The following DYRK4 variants were observed in gnomAD, a reference collection of about 807,000 sequenced individuals.
DYRK4 encodes dual specificity tyrosine-phosphorylation-regulated kinase 4.
In DYRK4, 64 loss-of-function variants were observed where a neutral mutation model predicts 68.3. The ratio of observed to expected loss-of-function variants is 0.94; its 90% CI spans 0.77 to 1.15. The LOEUF (loss-of-function observed/expected upper bound fraction) is 1.15. DYRK4 is among the 50% of genes most tolerant of loss of function. The probability of loss-of-function intolerance (pLI) is 0.00; values close to 1 mark genes in which losing one functional copy is unlikely to be tolerated. For missense variants in DYRK4, 740 were observed against 764.7 expected (o/e 0.97, Z 0.38); for synonymous variants, 274 against 289.9 (o/e 0.95, Z 0.56).
chr12:4,576,590 C>G (rs1219978474), intron 2 of DYRK4, among the ~76,000 whole-genome samples: 1 of 152,186 alleles, frequency 6.6e-6, no homozygotes, highest in African/African-American at 2.4e-5. Context: ...GAAACTGCTA[C>G]ACTGTCTTCC....
At chr12:4,566,719 G>A (rs554845002) in intron 1 of DYRK4, among the ~76,000 whole-genome samples, 4 of 152,368 alleles carry the variant, frequency 2.6e-5, no homozygotes, top group South Asian at 4.1e-4. Context: ...GGAAGAGAAG[G>A]AAGAAGTGAA....
intron 3 of DYRK4, chr12:4,590,097 C>G (rs1944936337): frequency 1.6e-6 from 2 of 1,250,362 alleles, no homozygotes; most frequent in Non-Finnish European, 2.0e-6. Context: ...TGTTGAAAGC[C>G]TGCAGCTAGT....
chr12:4,585,069 C>T (rs757585147), intron 2 of DYRK4, among the ~76,000 whole-genome samples: 43 of 152,208 alleles, frequency 2.8e-4, no homozygotes, highest in Non-Finnish European at 4.0e-4. Context: ...CGCCATCAGC[C>T]TGCCTGTGGC....
At chr12:4,565,076 C>T (rs1370087265) in intron 1 of DYRK4, among the ~76,000 whole-genome samples, 1 of 152,228 alleles carries the variant, frequency 6.6e-6, no homozygotes, top group Non-Finnish European at 1.5e-5. Context: ...TTCACTCTAG[C>T]TCTGAGCTGA....
intron 1 of DYRK4, among the ~76,000 whole-genome samples, chr12:4,566,918 G>A (rs1190680049): frequency 1.3e-5 from 2 of 152,172 alleles, no homozygotes; most frequent in Non-Finnish European, 1.5e-5. Context: ...ATAAAGACAT[G>A]CAAGCATTTT....
chr12:4,593,434 C>T (rs1944980337), intron 6 of DYRK4, among the ~76,000 whole-genome samples: 2 of 152,112 alleles, frequency 1.3e-5, no homozygotes, highest in African/African-American at 4.8e-5. Context: ...GGGTGAGCTC[C>T]CACAGGCTCC....
intron 10 of DYRK4, among the ~76,000 whole-genome samples, chr12:4,604,218 A>C (rs77104061): frequency 0.015 from 2,244 of 152,312 alleles, 52 homozygotes; most frequent in African/African-American, 0.05. Flanking sequence ...TTTGCAAAGT[A>C]CCACAAACAC....
At chr12:4,585,643 G>A (rs1395631357) in intron 2 of DYRK4, among the ~76,000 whole-genome samples, 8 of 152,000 alleles carry the variant, frequency 5.3e-5, no homozygotes, top group East Asian at 1.9e-4. Flanking sequence ...TGGGGGGAGC[G>A]GGGAGGGATA....
In DYRK4 at chr12:4,596,752, C is replaced by T. The variant is rs192329333; in HGVS notation, c.905+23C>T. 8.1e-6 allele frequency: 13 copies of T among 1,611,224 alleles called. No homozygotes were observed. In the South Asian group the frequency reaches 1.4e-4, roughly 18 times the overall value. On this transcript the variant is annotated intron_variant, in intron 8 of 14. Coordinates refer to ENST00000543431, the MANE Select transcript of DYRK4 (RefSeq NM_001394779.1). ...GGGGTCAGCTGCCTTTTCTTCTTAA[C>T]TCATTTTCTCTGGAAAAGTTACCTA...
At chr12:4,603,595 C>T (rs1945106390) in intron 10 of DYRK4, among the ~76,000 whole-genome samples, 1 of 152,218 alleles carries the variant, frequency 6.6e-6, no homozygotes, top group African/African-American at 2.4e-5. Context: ...ACCCTGGCAC[C>T]TGCCTCCGCA....
At chr12:4,604,838 GAA>G in intron 10 of DYRK4, 74 bp from the exon 11 acceptor site, 1 of 1,457,586 alleles carries the variant, frequency 6.9e-7, no homozygotes, top group Non-Finnish European at 9.1e-7. Context: ...GTCTAACTGA[GAA>G]GTTGTCCTGG....
At position 4,564,878 on chromosome 12, in the gene DYRK4, G is replaced by GA. The variant is rs1426247430; in HGVS notation, c.38+2596dup. On this transcript the variant is annotated intron_variant, in intron 1 of 14. Coordinates refer to ENST00000543431, the MANE Select transcript of DYRK4 (RefSeq NM_001394779.1). The stretch of plus-strand genomic sequence containing the variant: ...TCCAAAAGACTAACAATCAATATGA[G>GA]ACAAAAAATATATGCACCTAAGATA... 2.9e-4 allele frequency among the ~76,000 whole-genome samples: 44 copies of GA among 152,062 alleles called. 1 individual carries two copies. Among genetic ancestry groups the GA allele is most frequent in the Middle Eastern group, 6.3e-3 (2 of 316 alleles).
At chr12:4,592,250 G>A (rs1223362116) in intron 5 of DYRK4, among the ~76,000 whole-genome samples, 1 of 152,148 alleles carries the variant, frequency 6.6e-6, no homozygotes, top group African/African-American at 2.4e-5. Context: ...GCCTTATTCA[G>A]CTTATACTTG....
chr12:4,576,033 T>C (rs562687059), intron 2 of DYRK4, among the ~76,000 whole-genome samples: 1 of 152,350 alleles, frequency 6.6e-6, no homozygotes, highest in African/African-American at 2.4e-5. Flanking sequence ...TATTATTAGC[T>C]GATGTTCATA....
At chr12:4,593,265 T>A (rs993537187) in intron 6 of DYRK4, 100 bp downstream of exon 6, 1 of 1,348,400 alleles carries the variant, frequency 7.4e-7, no homozygotes, top group Non-Finnish European at 1.0e-6. Flanking sequence ...TTGGGGCTGA[T>A]ACGTTGGAGA....
intron 1 of DYRK4, chr12:4,562,948 C>T (rs1565530004): frequency 2.5e-6 from 1 of 392,722 alleles, no homozygotes; most frequent in Non-Finnish European, 5.1e-6. Flanking sequence ...ACATTTGCTG[C>T]ATTTGAAATG....
intron 12 of DYRK4, 151 bp from the exon 13 acceptor site, chr12:4,610,004 G>A: frequency 3.2e-6 from 1 of 311,874 alleles, no homozygotes; most frequent in Non-Finnish European, 5.4e-6. Flanking sequence ...TTCAAACTGA[G>A]TGTGTGTGTG....
chr12:4,603,197 T>C, intron 10 of DYRK4: 1 of 1,182,222 alleles, frequency 8.5e-7, no homozygotes, highest in Non-Finnish European at 1.3e-6. Flanking sequence ...TGGTGAGACC[T>C]CATCCTGCAA....
intron 1 of DYRK4, 22 bp downstream of exon 1, chr12:4,562,305 A>G: frequency 1.3e-6 from 2 of 1,531,086 alleles, no homozygotes; most frequent in Non-Finnish European, 1.7e-6. Flanking sequence ...GGAGGCTCGT[A>G]CTTCACGAGC....
Sources: gnomAD v4.1 joint callset for allele counts (sites outside exome capture counted in the v4.1 genomes callset) on GRCh38, gnomAD v4.1.1 for gene constraint, MANE v1.5 for transcripts, NCBI Gene and HGNC (gene_info 2026-07-23, HGNC 2026-07-21) for gene names.